The following CDH12 variants were observed in gnomAD, a reference collection of about 807,000 sequenced individuals.
CDH12 encodes cadherin-12.
CDH12 carries 41 observed loss-of-function variants against 74.1 expected under a neutral mutation model. The observed-to-expected ratio is 0.55, with a 90% CI of 0.43 to 0.72. CDH12 has a LOEUF of 0.72. Among genes scored for constraint, CDH12 ranks in the 30% least tolerant of loss-of-function variants. The probability of loss-of-function intolerance (pLI) is 0.00; values close to 1 mark genes in which losing one functional copy is unlikely to be tolerated. For missense variants in CDH12, 945 were observed against 977.2 expected (o/e 0.97, Z 0.44); for synonymous variants, 399 against 355.0 (o/e 1.12, Z -1.39).
chr5:22,512,737 T>C (rs1736663164), intron 1 of CDH12, among the ~76,000 whole-genome samples: 1 of 152,076 alleles, frequency 6.6e-6, no homozygotes, highest in African/African-American at 2.4e-5. Context: ...TCAGAGAAAT[T>C]GCTGCTAAAT....
chr5:22,456,113 A>C (rs1020272269), intron 2 of CDH12, among the ~76,000 whole-genome samples: 1 of 39,098 alleles, frequency 2.6e-5, no homozygotes, highest in African/African-American at 9.0e-5. Context: ...GATATTATAT[A>C]TATATATATA....
chr5:21,893,979 T>A (rs1422289378), intron 6 of CDH12, among the ~76,000 whole-genome samples: 2 of 152,174 alleles, frequency 1.3e-5, no homozygotes, highest in Non-Finnish European at 1.5e-5. Flanking sequence ...CCATTTACAG[T>A]ATTTAACGCC....
intron 1 of CDH12, among the ~76,000 whole-genome samples, chr5:22,794,687 C>T (rs921875365): frequency 6.6e-6 from 1 of 152,122 alleles, no homozygotes; most frequent in African/African-American, 2.4e-5. Flanking sequence ...ATGCCCCACC[C>T]TCTCCAATAT....
chr5:22,147,840 G>A (rs1437327146), intron 4 of CDH12, among the ~76,000 whole-genome samples: 2 of 152,074 alleles, frequency 1.3e-5, no homozygotes, highest in Non-Finnish European at 2.9e-5. Context: ...CACAAGATGT[G>A]GAATTATGGG....
chr5:22,228,416 AT>A (rs1171605523), intron 3 of CDH12, among the ~76,000 whole-genome samples: 2 of 152,168 alleles, frequency 1.3e-5, no homozygotes, highest in East Asian at 1.9e-4. Context: ...GCTTTGCATA[AT>A]TTTTTTGTAA....
At chr5:21,758,076 C>T (rs1404442143) in intron 13 of CDH12, among the ~76,000 whole-genome samples, 1 of 152,178 alleles carries the variant, frequency 6.6e-6, no homozygotes, top group Non-Finnish European at 1.5e-5. Flanking sequence ...TCAAAGACTA[C>T]TAACATTATT....
At chr5:22,264,932 T>C (rs183601548) in intron 3 of CDH12, among the ~76,000 whole-genome samples, 115 of 152,306 alleles carry the variant, frequency 7.6e-4, no homozygotes, top group African/African-American at 2.7e-3. Context: ...AGACATTCTT[T>C]GACGTATAGA....
intron 5 of CDH12, among the ~76,000 whole-genome samples, chr5:22,008,959 G>T (rs1378546941): frequency 1.3e-5 from 2 of 152,166 alleles, no homozygotes; most frequent in Non-Finnish European, 2.9e-5. Context: ...CGTAGAACTT[G>T]CTTAATTTTT....
chr5:21,794,440 C>T (rs1046275006), intron 10 of CDH12, among the ~76,000 whole-genome samples: 3 of 151,666 alleles, frequency 2.0e-5, no homozygotes, highest in Non-Finnish European at 4.4e-5. Flanking sequence ...ACGCAGTATA[C>T]CACAGTTGTG....
rs1744946660 is a variant in CDH12, at chr5:21,765,101, T to A, written c.1394-2A>T. 1 of 1,554,928 alleles carries A rather than the reference T, an allele frequency of 6.4e-7. No homozygotes were observed. On this transcript the variant is annotated splice_acceptor_variant, in intron 11 of 14. Coordinates refer to ENST00000382254, the MANE Select transcript of CDH12 (RefSeq NM_004061.5). LOFTEE classifies it high-confidence loss of function. ...CTTTGCTGGTCAATAAAGGGTTACC[T>A]GTTAAAAACATATAAAGATAAAAGA... is the stretch of plus-strand genomic sequence containing the variant.
intron 1 of CDH12, among the ~76,000 whole-genome samples, chr5:22,632,900 A>G (rs553302078): frequency 6.6e-6 from 1 of 152,268 alleles, no homozygotes; most frequent in East Asian, 1.9e-4. Flanking sequence ...TGAAAGCCAA[A>G]ACTAAAAGAA....
chr5:21,802,197 T>TG lies in CDH12; in HGVS notation c.1225dup (p.Gln409ProfsTer11). ...AGCACTGCTGCCTACATCCAGGTCT[T>TG]GAGCAGTGACAGCGCCAATGATGGT... is the stretch of plus-strand genomic sequence containing the variant. On this transcript the variant is annotated frameshift_variant, in exon 10 of 15. Transcript: ENST00000382254. LOFTEE classifies it high-confidence loss of function. The TG allele has an allele frequency of 6.2e-7, 1 of 1,613,912 alleles. No individual in the cohort carries two copies. The highest frequency in any genetic ancestry group is 1.3e-5 in the African/African-American group (1 of 75,048).
intron 2 of CDH12, among the ~76,000 whole-genome samples, chr5:22,502,940 C>T (rs1468380941): frequency 6.6e-6 from 1 of 152,078 alleles, no homozygotes; most frequent in Non-Finnish European, 1.5e-5. Context: ...GCCTTTTATA[C>T]ATCTATATCC....
At chr5:21,841,671 T>C (rs1475524722) in intron 8 of CDH12, among the ~76,000 whole-genome samples, 1 of 151,802 alleles carries the variant, frequency 6.6e-6, no homozygotes, top group Non-Finnish European at 1.5e-5. Flanking sequence ...TGGAATACTA[T>C]GCAGCCATAA....
chr5:22,305,828 C>T (rs764255703), intron 3 of CDH12, among the ~76,000 whole-genome samples: 1 of 152,222 alleles, frequency 6.6e-6, no homozygotes, highest in Non-Finnish European at 1.5e-5. Context: ...ACTTCCCTTA[C>T]AGCTTTGCTG....
chr5:22,752,623 G>C lies in CDH12; in HGVS notation c.-523+100435C>G, dbSNP rs1365066115. On this transcript the variant is annotated intron_variant, in intron 1 of 14. Coordinates refer to ENST00000382254, the MANE Select transcript of CDH12 (RefSeq NM_004061.5). ...GTCTCGCTCTGTCGCCCAGTCTGGA[G>C]TGCAGTGGCGAGATCTCCTCTCACT... Among the ~76,000 whole-genome samples, 2 of 26,580 alleles carry C rather than the reference G, an allele frequency of 7.5e-5. 1 individual carries two copies. Among genetic ancestry groups the C allele is most frequent in the Non-Finnish European group, 1.5e-4 (2 of 13,522 alleles). 17.4% of individuals were successfully genotyped at this position (26,580 alleles called of 152,430 possible). A position where few individuals can be genotyped will look rare whatever the true frequency, so the allele number is the denominator to read the frequency against.
intron 3 of CDH12, among the ~76,000 whole-genome samples, chr5:22,310,830 T>C (rs1231169337): frequency 6.6e-6 from 1 of 152,208 alleles, no homozygotes; most frequent in African/African-American, 2.4e-5. Context: ...TGAAATGTGC[T>C]GTCCTGATAT....
At chr5:21,891,835 G>A (rs1343483869) in intron 6 of CDH12, among the ~76,000 whole-genome samples, 1 of 151,962 alleles carries the variant, frequency 6.6e-6, no homozygotes, top group Non-Finnish European at 1.5e-5. Flanking sequence ...CAAGTTTGTG[G>A]CTAGATCAAA....
chr5:21,808,678 T>C (rs1219207686), intron 9 of CDH12, among the ~76,000 whole-genome samples: 1 of 152,086 alleles, frequency 6.6e-6, no homozygotes, highest in African/African-American at 2.4e-5. Flanking sequence ...AGAACAAGCA[T>C]CATTTTAATG....
Sources: gnomAD v4.1 joint callset for allele counts (sites outside exome capture counted in the v4.1 genomes callset) on GRCh38, gnomAD v4.1.1 for gene constraint, MANE v1.5 for transcripts, NCBI Gene and HGNC (gene_info 2026-07-23, HGNC 2026-07-21) for gene names.